AFG2A: variants seen among roughly 807,000 people sequenced by gnomAD.
AFG2A encodes AAA ATPase AFG2A, also known as ATPase family gene 2 protein homolog A.
At chr4:123,055,841 G>A in the AFG2A span, among the ~76,000 whole-genome samples, 4 of 152,166 alleles carry the variant, frequency 2.6e-5, no homozygotes, top group African/African-American at 7.2e-5. Context: ...ATCATTATGG[G>A]ACAATTTAAT....
the AFG2A span, among the ~76,000 whole-genome samples, chr4:123,017,200 AGAGG>A: frequency 1.4e-5 from 1 of 73,558 alleles, no homozygotes; most frequent in Non-Finnish European, 2.6e-5. Flanking sequence ...AGGGAGAGGG[AGAGG>A]GAGAGAGAGA....
chr4:123,001,140 C>T, the AFG2A span, among the ~76,000 whole-genome samples: 8 of 146,058 alleles, frequency 5.5e-5, no homozygotes, highest in East Asian at 4.2e-4. Context: ...TCTGTGGGAT[C>T]GGTGCTGATA....
chr4:123,280,233 T>A, the AFG2A span, among the ~76,000 whole-genome samples: 4 of 152,210 alleles, frequency 2.6e-5, no homozygotes. Context: ...TATGAAGTAA[T>A]ACTTTCATAG....
chr4:122,924,922 T>C, the AFG2A span, among the ~76,000 whole-genome samples: 2 of 152,236 alleles, frequency 1.3e-5, no homozygotes, highest in Non-Finnish European at 2.9e-5. Context: ...AAAGCTTCTA[T>C]ATACTTATTC....
At chr4:123,291,610 A>G in the AFG2A span, among the ~76,000 whole-genome samples, 20 of 152,190 alleles carry the variant, frequency 1.3e-4, no homozygotes, top group Middle Eastern at 3.2e-3. Context: ...TTGGCTCCCC[A>G]TGGGAGAAGC....
At chr4:123,093,195 C>A in the AFG2A span, among the ~76,000 whole-genome samples, 111 of 152,254 alleles carry the variant, frequency 7.3e-4, 3 homozygotes, top group East Asian at 0.014. Context: ...AGACAGCAAT[C>A]TTTTATTGAT....
chr4:123,006,609 C>CAAA, the AFG2A span, among the ~76,000 whole-genome samples: 1 of 152,050 alleles, frequency 6.6e-6, no homozygotes, highest in African/African-American at 2.4e-5. Context: ...CAGCCTTTTT[C>CAAA]CCCTTTTGAA....
chr4:123,284,499 T>G, the AFG2A span, among the ~76,000 whole-genome samples: 1 of 152,206 alleles, frequency 6.6e-6, no homozygotes. Context: ...TTTAGAATAC[T>G]TCTAGGTGTA....
chr4:123,282,700 A>G, the AFG2A span, among the ~76,000 whole-genome samples: 5 of 152,062 alleles, frequency 3.3e-5, no homozygotes, highest in Admixed American at 2.6e-4. Context: ...AAGAGTTGGC[A>G]TAGCTGAGGG....
chr4:122,999,403 T>A, the AFG2A span, among the ~76,000 whole-genome samples: 29 of 152,030 alleles, frequency 1.9e-4, no homozygotes, highest in African/African-American at 6.5e-4. Context: ...TCCTGCATGG[T>A]AATACCTAGG....
the AFG2A span, among the ~76,000 whole-genome samples, chr4:123,088,020 T>G: frequency 6.6e-6 from 1 of 152,194 alleles, no homozygotes; most frequent in Non-Finnish European, 1.5e-5. Context: ...GTCATGTCTC[T>G]AGTTGAAACA....
At chr4:122,933,342 A>G in the AFG2A span, 5 of 919,024 alleles carry the variant, frequency 5.4e-6, no homozygotes, top group East Asian at 5.4e-5. Flanking sequence ...TCTTTTGATT[A>G]AGTCTATATT....
At chr4:123,245,212 C>T in the AFG2A span, among the ~76,000 whole-genome samples, 2 of 152,034 alleles carry the variant, frequency 1.3e-5, no homozygotes, top group African/African-American at 2.4e-5. Context: ...TAACAGGAGA[C>T]GATGCTGGGA....
chr4:123,252,386 T>C, the AFG2A span, among the ~76,000 whole-genome samples: 1 of 152,184 alleles, frequency 6.6e-6, no homozygotes, highest in South Asian at 2.1e-4. Flanking sequence ...GTGAAATGGT[T>C]GTAATATATG....
chr4:122,999,620 G>C, the AFG2A span, among the ~76,000 whole-genome samples: 1 of 151,640 alleles, frequency 6.6e-6, no homozygotes, highest in Non-Finnish European at 1.5e-5. Context: ...GATAGTTGTA[G>C]ATAGGTGGCA....
the AFG2A span, among the ~76,000 whole-genome samples, chr4:122,941,970 C>G: frequency 1.3e-5 from 2 of 151,864 alleles, no homozygotes; most frequent in Non-Finnish European, 2.9e-5. Context: ...GCCTTGCATC[C>G]CAGGGATGAA....
chr4:123,307,282 AG>A, the AFG2A span, among the ~76,000 whole-genome samples: 1 of 152,132 alleles, frequency 6.6e-6, no homozygotes, highest in Non-Finnish European at 1.5e-5. Flanking sequence ...GCATGACTAC[AG>A]GCCCACACCA....
At chr4:123,057,829 A>C in the AFG2A span, among the ~76,000 whole-genome samples, 1 of 152,148 alleles carries the variant, frequency 6.6e-6, no homozygotes, top group East Asian at 1.9e-4. Flanking sequence ...ACACACACAC[A>C]CATCAGAACT....
the AFG2A span, among the ~76,000 whole-genome samples, chr4:123,123,257 A>T: frequency 6.6e-6 from 1 of 152,120 alleles, no homozygotes; most frequent in African/African-American, 2.4e-5. Flanking sequence ...TTTTTCTGAA[A>T]TTTTATTTAA....
Sources: allele counts gnomAD v4.1 joint callset (sites outside exome capture counted in the v4.1 genomes callset), GRCh38; gene constraint gnomAD v4.1.1; transcripts MANE v1.5; gene names NCBI Gene and HGNC (gene_info 2026-07-23, HGNC 2026-07-21).